The following RFX3 variants were observed in gnomAD, a reference collection of about 807,000 sequenced individuals.
RFX3 encodes the protein regulatory factor X3, also known as transcription factor RFX3.
Under a neutral mutation model 98.6 loss-of-function variants are expected in RFX3, and 14 were observed. The ratio of observed to expected loss-of-function variants is 0.14; its 90% CI spans 0.09 to 0.22. The LOEUF is 0.22. Among genes scored for constraint, RFX3 ranks in the 10% least tolerant of loss-of-function variants. The pLI, the probability that RFX3 is intolerant of heterozygous loss-of-function variation, is 1.00. For synonymous variants in RFX3, 383 were observed against 328.4 expected, an observed-to-expected ratio of 1.17 and a Z score of -1.80; for missense variants, 639 against 926.9, an observed-to-expected ratio of 0.69 and a Z score of 4.03.
chr9:3,369,236 G>C (rs1413733674), intron 2 of RFX3, among the ~76,000 whole-genome samples: 5 of 152,232 alleles, frequency 3.3e-5, no homozygotes, highest in Non-Finnish European at 7.3e-5. Flanking sequence ...GGAATTTCAA[G>C]ATCAAGGCAG....
Position 3,330,355 on chromosome 9 carries a change from T to C in RFX3, c.378A>G (p.Gln126=), listed in dbSNP as rs1312283883. ...GGIQMGVTGG[Q]LISSSGGTYL... ...AGGTTCCTCCAGAGCTGCTGATGAG[T>C]TGTCCTCCTGTGACGCCCATCTGAA... The change falls in exon 4 of 17, where the codon CAA becomes CAG. Residue 126 remains glutamine (Q), a synonymous_variant. Coordinates refer to ENST00000617270, the MANE Select transcript of RFX3 (RefSeq NM_001282116.2). 5 of 1,614,058 alleles carry C rather than the reference T, an allele frequency of 3.1e-6. No homozygotes were observed. The highest frequency in any genetic ancestry group is 3.4e-6 in the Non-Finnish European group (4 of 1,180,002).
chr9:3,366,707 TTTCTTTC>T (rs1430461574), intron 2 of RFX3, among the ~76,000 whole-genome samples: 9 of 125,224 alleles, frequency 7.2e-5, no homozygotes, highest in South Asian at 2.6e-4. Flanking sequence ...TCTTTCTTTC[TTTCTTTC>T]TTTCTTTCTT....
At chr9:3,321,517 T>A (rs1270630025) in intron 4 of RFX3, among the ~76,000 whole-genome samples, 1 of 152,208 alleles carries the variant, frequency 6.6e-6, no homozygotes, top group South Asian at 2.1e-4. Context: ...TTCCTTTTCA[T>A]TGGACTGCCT....
At chr9:3,315,439 C>T (rs1391770309) in intron 4 of RFX3, among the ~76,000 whole-genome samples, 2 of 152,116 alleles carry the variant, frequency 1.3e-5, no homozygotes, top group South Asian at 2.1e-4. Flanking sequence ...CTAAAATTGA[C>T]ACCCTAACAT....
chr9:3,332,973 T>C (rs1175475513), intron 3 of RFX3, among the ~76,000 whole-genome samples: 2 of 152,182 alleles, frequency 1.3e-5, no homozygotes, highest in East Asian at 1.9e-4. Flanking sequence ...AGGACTGTTA[T>C]GTTTTATGTT....
chr9:3,380,129 G>C (rs1038682503), intron 2 of RFX3, among the ~76,000 whole-genome samples: 27 of 152,022 alleles, frequency 1.8e-4, no homozygotes, highest in African/African-American at 6.3e-4. Flanking sequence ...GTTTCACCAT[G>C]TTGGTCAGGC....
intron 4 of RFX3, among the ~76,000 whole-genome samples, chr9:3,327,860 C>T (rs992625848): frequency 7.9e-5 from 12 of 151,182 alleles, no homozygotes. Flanking sequence ...TTCATACATA[C>T]ATACCTACAT....
chr9:3,377,561 C>T (rs540530671), intron 2 of RFX3, among the ~76,000 whole-genome samples: 236 of 152,160 alleles, frequency 1.6e-3, no homozygotes, highest in African/African-American at 5.5e-3. Flanking sequence ...ACGCCGTGCA[C>T]ATGTACCCTA....
intron 4 of RFX3, among the ~76,000 whole-genome samples, chr9:3,324,297 T>C (rs1276085687): frequency 6.6e-6 from 1 of 152,208 alleles, no homozygotes; most frequent in Non-Finnish European, 1.5e-5. Flanking sequence ...TGCATACTTC[T>C]AACTTAAAAT....
chr9:3,491,111 T>C (rs1279067417), intron 1 of RFX3, among the ~76,000 whole-genome samples: 1 of 152,108 alleles, frequency 6.6e-6, no homozygotes, highest in African/African-American at 2.4e-5. Flanking sequence ...ACAGTTGCCA[T>C]AAATTTTTAT....
At chr9:3,373,729 G>A (rs1838111790) in intron 2 of RFX3, among the ~76,000 whole-genome samples, 1 of 152,064 alleles carries the variant, frequency 6.6e-6, no homozygotes, top group African/African-American at 2.4e-5. Flanking sequence ...AGTATAGGAG[G>A]AGGAGAAGGC....
chr9:3,519,310 T>C (rs561172155), intron 1 of RFX3, among the ~76,000 whole-genome samples: 34 of 152,302 alleles, frequency 2.2e-4, no homozygotes, highest in African/African-American at 7.7e-4. Flanking sequence ...AAGCCTGTGA[T>C]TGGCAGCTTG....
intron 15 of RFX3, among the ~76,000 whole-genome samples, chr9:3,246,355 T>A (rs756163181): frequency 6.6e-6 from 1 of 152,156 alleles, no homozygotes; most frequent in Non-Finnish European, 1.5e-5. Flanking sequence ...CCATTTTAAT[T>A]CTGGTGCCGC....
At position 3,369,252 on chromosome 9, in the gene RFX3, A is replaced by T. The variant is rs189925712; in HGVS notation, c.118-22488T>A. Among the ~76,000 whole-genome samples, 35 of 152,308 alleles carry T rather than the reference A, an allele frequency of 2.3e-4. 1 individual carries two copies. The highest frequency in any genetic ancestry group is 2.1e-3 in the Admixed American group (32 of 15,308). Reference sequence around the variant, plus strand: ...GAATTTCAAGATCAAGGCAGATTCAACGTTTGATGACAGCCTGCTTTCTGG... The same window carrying T: ...GAATTTCAAGATCAAGGCAGATTCATCGTTTGATGACAGCCTGCTTTCTGG... On this transcript the variant is annotated intron_variant, in intron 2 of 16. Coordinates refer to ENST00000617270, the MANE Select transcript of RFX3 (RefSeq NM_001282116.2).
chr9:3,500,987 A>G (rs1426811957), intron 1 of RFX3, among the ~76,000 whole-genome samples: 2 of 152,214 alleles, frequency 1.3e-5, no homozygotes, highest in African/African-American at 4.8e-5. Context: ...ATGGATATCT[A>G]TATTGGCAGT....
chr9:3,292,000 T>C (rs1193442674), intron 6 of RFX3, among the ~76,000 whole-genome samples: 2 of 129,146 alleles, frequency 1.5e-5, no homozygotes, highest in Non-Finnish European at 3.1e-5. Context: ...GAGGTTGCAG[T>C]GAGCTGAGAT....
At chr9:3,320,768 C>CAT (rs34990458) in intron 4 of RFX3, among the ~76,000 whole-genome samples, 2,919 of 85,318 alleles carry the variant, frequency 0.034, 64 homozygotes, top group Non-Finnish European at 0.047. Context: ...TGCTACATAG[C>CAT]ATATATATAT....
At chr9:3,332,609 A>T (rs1832721368) in intron 3 of RFX3, among the ~76,000 whole-genome samples, 1 of 152,326 alleles carries the variant, frequency 6.6e-6, no homozygotes, top group Admixed American at 6.5e-5. Flanking sequence ...ATAAAAATAA[A>T]ACCGCTTAAA....
chr9:3,308,772 G>T (rs3012697), intron 4 of RFX3, among the ~76,000 whole-genome samples: 36,825 of 151,978 alleles, frequency 0.24, 6,592 homozygotes, highest in African/African-American at 0.51. Context: ...TGCCATGACT[G>T]TTGCTGTGAG....
Sources: gnomAD v4.1 joint callset for allele counts (sites outside exome capture counted in the v4.1 genomes callset) on GRCh38, gnomAD v4.1.1 for gene constraint, MANE v1.5 for transcripts, NCBI Gene and HGNC (gene_info 2026-07-23, HGNC 2026-07-21) for gene names.